Variants in NUMB observed in about 807,000 individuals in gnomAD.
NUMB encodes the protein NUMB endocytic adaptor protein, also known as protein numb homolog.
In NUMB, 29 loss-of-function variants were observed where a neutral mutation model predicts 59.7. That is an observed-to-expected ratio of 0.49 (90% CI 0.36 to 0.66). The LOEUF (loss-of-function observed/expected upper bound fraction) is 0.66, where lower values mean the gene tolerates loss of function less well. NUMB is among the 30% of genes least tolerant of loss of function. NUMB has a pLI of 0.00. For missense variants in NUMB, 723 were observed against 822.0 expected (o/e 0.88, Z 1.47); for synonymous variants, 288 against 288.2 (o/e 1.00, Z 0.01).
At chr14:73,357,890 CAA>C (rs1555374390) in intron 3 of NUMB, among the ~76,000 whole-genome samples, 23,136 of 140,630 alleles carry the variant, frequency 0.16, 2,559 homozygotes, top group Non-Finnish European at 0.24. Flanking sequence ...AGGCCCCCCC[CAA>C]AAAAAAAAAA....
At position 73,277,058 on chromosome 14, in the gene NUMB, A is replaced by G. The variant is rs1324888759; in HGVS notation, c.1476T>C (p.Pro492=). 1 of 1,614,134 alleles carries G rather than the reference A, an allele frequency of 6.2e-7. No individual in the cohort carries two copies. Among genetic ancestry groups the G allele is most frequent in the Non-Finnish European group, 8.5e-7 (1 of 1,180,032 alleles). Residue 492 remains proline, a synonymous_variant, in exon 13 of 13, where the codon CCT becomes CCC. Transcript: ENST00000555238. ...GGGCTGGGACCACACCCACTGGCAC[A>G]GGCTGAGAGGTGAGGAATGCATTCC... The part of the protein sequence containing the change: ...FQGNAFLTSQ[P]VPVGVVPALQ...
intron 12 of NUMB, among the ~76,000 whole-genome samples, chr14:73,277,814 T>C (rs1033016101): frequency 1.3e-5 from 2 of 151,864 alleles, no homozygotes; most frequent in Non-Finnish European, 2.9e-5. Context: ...TCCCAGCACT[T>C]TGGGAGGCCG....
intron 1 of NUMB, chr14:73,457,749 G>C (rs1884496568): frequency 6.6e-6 from 1 of 152,474 alleles, no homozygotes; most frequent in Non-Finnish European, 1.5e-5. Flanking sequence ...GGGGCGCAGG[G>C]AGCTCCGGTT....
chr14:73,347,361 T>C (rs972065259), intron 4 of NUMB, among the ~76,000 whole-genome samples: 7 of 152,176 alleles, frequency 4.6e-5, no homozygotes, highest in Admixed American at 4.6e-4. Flanking sequence ...TTTTCAAATA[T>C]GTATATACCT....
At chr14:73,445,199 TA>T (rs954238523) in intron 1 of NUMB, among the ~76,000 whole-genome samples, 7 of 151,142 alleles carry the variant, frequency 4.6e-5, no homozygotes, top group Admixed American at 2.6e-4. Flanking sequence ...CAAAAAAAGT[TA>T]AAAATTAGGT....
chr14:73,423,662 T>A, intron 1 of NUMB, among the ~76,000 whole-genome samples: 1 of 150,208 alleles, frequency 6.7e-6, no homozygotes, highest in African/African-American at 2.5e-5. Flanking sequence ...AAAAAAAAAT[T>A]AGCCAGGCAT....
intron 6 of NUMB, among the ~76,000 whole-genome samples, chr14:73,314,744 C>G (rs962079327): frequency 6.6e-6 from 1 of 151,840 alleles, no homozygotes; most frequent in African/African-American, 2.4e-5. Context: ...ATAGCCTTAT[C>G]TGCTGCTTGA....
chr14:73,379,881 T>C (rs1284262672), intron 2 of NUMB, among the ~76,000 whole-genome samples: 1 of 152,246 alleles, frequency 6.6e-6, no homozygotes, highest in Admixed American at 6.5e-5. Context: ...TTCCAAGTAC[T>C]TGGGCTTCTG....
intron 4 of NUMB, among the ~76,000 whole-genome samples, chr14:73,339,223 A>G (rs746476929): frequency 1.3e-5 from 2 of 152,234 alleles, no homozygotes; most frequent in Non-Finnish European, 2.9e-5. Context: ...TTCAGATAGT[A>G]TAAGGAATAC....
chr14:73,426,821 T>C (rs566079463), intron 1 of NUMB, among the ~76,000 whole-genome samples: 2 of 151,816 alleles, frequency 1.3e-5, no homozygotes, highest in South Asian at 4.2e-4. Flanking sequence ...CACTCCAGCC[T>C]GGGGGACAGA....
chr14:73,383,366 T>C (rs1288600841), intron 2 of NUMB, among the ~76,000 whole-genome samples: 1 of 152,110 alleles, frequency 6.6e-6, no homozygotes, highest in Non-Finnish European at 1.5e-5. Context: ...ATATAGCAGA[T>C]GCTTTTAATA....
intron 3 of NUMB, among the ~76,000 whole-genome samples, chr14:73,361,458 CT>C (rs530239515): frequency 5.6e-4 from 82 of 145,306 alleles, no homozygotes; most frequent in Admixed American, 9.6e-4. Flanking sequence ...TTCAGAATTT[CT>C]TTTTTTTTTT....
At chr14:73,277,428 T>A in intron 12 of NUMB, 135 bp from the exon 13 acceptor site, 1 of 713,242 alleles carries the variant, frequency 1.4e-6, no homozygotes, top group Non-Finnish European at 2.3e-6. Context: ...TTTTGATAGG[T>A]AGGAGTAAAG....
In NUMB at chr14:73,277,193, C is replaced by T. The variant is rs776138112; in HGVS notation, c.1341G>A (p.Val447=). 2.5e-6 allele frequency: 4 copies of T among 1,614,082 alleles called. No homozygotes were observed. Among genetic ancestry groups the T allele is most frequent in the East Asian group, 4.5e-5 (2 of 44,886 alleles). The change falls in exon 13 of 13, where the codon GTG becomes GTA. Residue 447 remains valine (V), a synonymous_variant. Coordinates refer to ENST00000555238, the MANE Select transcript of NUMB (RefSeq NM_001005743.2). The part of the protein sequence containing the change: ...PSEADRWLEE[V]SKSVRAQQPQ... ...GCTGCTGAGCCCGGACGCTCTTAGA[C>T]ACCTCTTCTAACCATCGGTCGGCCT...
chr14:73,389,740 G>A (rs1371492052), intron 2 of NUMB, among the ~76,000 whole-genome samples: 1 of 152,160 alleles, frequency 6.6e-6, no homozygotes, highest in South Asian at 2.1e-4. Flanking sequence ...TGAAGAAAAT[G>A]ACTTTGAAAT....
At chr14:73,427,363 G>A (rs1388295487) in intron 1 of NUMB, among the ~76,000 whole-genome samples, 3 of 152,028 alleles carry the variant, frequency 2.0e-5, no homozygotes, top group Non-Finnish European at 4.4e-5. Context: ...TACTCAGGAG[G>A]CTGAGGCAGA....
chr14:73,443,197 G>A (rs1420491960), intron 1 of NUMB, among the ~76,000 whole-genome samples: 2 of 152,112 alleles, frequency 1.3e-5, no homozygotes, highest in Non-Finnish European at 2.9e-5. Context: ...CAGTTTCACC[G>A]TACATCAATT....
intron 4 of NUMB, among the ~76,000 whole-genome samples, chr14:73,344,885 A>C (rs1355493337): frequency 6.6e-6 from 1 of 152,248 alleles, no homozygotes. Flanking sequence ...TTAACAATCA[A>C]AAATAATACC....
intron 6 of NUMB, among the ~76,000 whole-genome samples, chr14:73,300,871 G>T (rs766412179): frequency 7.9e-5 from 12 of 151,884 alleles, no homozygotes; most frequent in South Asian, 2.1e-4. Context: ...TGTTCTCATT[G>T]TTCTAGAACT....
Sources: allele counts gnomAD v4.1 joint callset (sites outside exome capture counted in the v4.1 genomes callset), GRCh38; gene constraint gnomAD v4.1.1; transcripts MANE v1.5; gene names NCBI Gene and HGNC (gene_info 2026-07-23, HGNC 2026-07-21).